Variants in PSME4 observed in about 807,000 individuals in gnomAD.
PSME4 encodes the protein proteasome activator subunit 4, also known as proteasome activator complex subunit 4.
Under a neutral mutation model 253.9 loss-of-function variants are expected in PSME4, and 89 were observed. The observed-to-expected ratio is 0.35, with a 90% confidence interval of 0.30 to 0.42. The LOEUF is 0.42. Among genes scored for constraint, PSME4 ranks in the 10% least tolerant of loss-of-function variants. The pLI is 1.00. For synonymous variants in PSME4, 851 were observed against 759.2 expected, an observed-to-expected ratio of 1.12 and a Z score of -1.99; for missense variants, 2,014 against 2,195.2, an observed-to-expected ratio of 0.92 and a Z score of 1.65.
Position 53,887,903 on chromosome 2 carries a change from G to T in PSME4, c.4475C>A (p.Pro1492His). 6.2e-7 allele frequency: 1 copy of T among 1,605,206 alleles called. No homozygotes were observed. The highest frequency in any genetic ancestry group is 1.3e-5 in the African/African-American group (1 of 74,740). The change falls in exon 39 of 47, where the codon CCC becomes CAC. Residue 1492 changes from proline (P) to histidine (H), a missense_variant. Pro to His is a moderately conservative substitution (Grantham distance 77). Coordinates refer to ENST00000404125, the MANE Select transcript of PSME4 (RefSeq NM_014614.3). Reference protein sequence around the residue: ...LLHRLLKYLEPKLTQVYKNVR... With the variant: ...LLHRLLKYLEHKLTQVYKNVR... ...ATTTTTGTAAACCTGGGTGAGTTTGGGTTCCAAGTACTTCAGTAGTCTGTG... is the reference window on the plus strand; with the variant it reads ...ATTTTTGTAAACCTGGGTGAGTTTGTGTTCCAAGTACTTCAGTAGTCTGTG...
chr2:53,879,801 CAAA>C (rs55730803), intron 41 of PSME4, among the ~76,000 whole-genome samples: 10 of 89,930 alleles, frequency 1.1e-4, no homozygotes, highest in Non-Finnish European at 1.3e-4. Context: ...GACCCTGTCT[CAAA>C]AAAAAAAAAA....
intron 3 of PSME4, among the ~76,000 whole-genome samples, chr2:53,947,291 T>C (rs1443989225): frequency 6.6e-6 from 1 of 152,164 alleles, no homozygotes; most frequent in Non-Finnish European, 1.5e-5. Flanking sequence ...TAACAAGACA[T>C]AATGAAATAA....
At chr2:53,887,599 G>T in intron 39 of PSME4, 132 bp from the exon 40 acceptor site, 2 of 928,934 alleles carry the variant, frequency 2.2e-6, no homozygotes, top group Non-Finnish European at 1.6e-6. Flanking sequence ...TTATGCCTGT[G>T]TGTAAAAGAA....
chr2:53,933,828 G>A (rs1668974309), intron 8 of PSME4, among the ~76,000 whole-genome samples: 1 of 152,196 alleles, frequency 6.6e-6, no homozygotes, highest in African/African-American at 2.4e-5. Flanking sequence ...GCATATGTAA[G>A]ATAGTAAACA....
intron 3 of PSME4, among the ~76,000 whole-genome samples, chr2:53,940,284 G>A (rs1231474929): frequency 6.6e-6 from 1 of 152,094 alleles, no homozygotes; most frequent in Non-Finnish European, 1.5e-5. Context: ...TTACAAGGTA[G>A]GCAGCAATGA....
intron 14 of PSME4, among the ~76,000 whole-genome samples, chr2:53,925,276 T>C (rs1388306759): frequency 6.6e-6 from 1 of 152,226 alleles, no homozygotes; most frequent in Non-Finnish European, 1.5e-5. Context: ...TGAGAACACA[T>C]GGCATATGTG....
intron 27 of PSME4, 33 bp downstream of exon 27, chr2:53,903,992 T>C (rs768435813): frequency 1.9e-6 from 3 of 1,545,890 alleles, no homozygotes; most frequent in South Asian, 2.4e-5. Context: ...TGTTTGAAAA[T>C]GTTTACAGTA....
intron 39 of PSME4, 27 bp downstream of exon 39, chr2:53,887,831 G>A (rs1573218424): frequency 2.6e-6 from 4 of 1,552,128 alleles, no homozygotes; most frequent in South Asian, 2.3e-5. Context: ...AACTCGAGAG[G>A]TACACCACAG....
chr2:53,926,887 T>C (rs922140014), intron 12 of PSME4, among the ~76,000 whole-genome samples: 4 of 149,954 alleles, frequency 2.7e-5, no homozygotes, highest in East Asian at 2.0e-4. Context: ...GGCAGGAGAA[T>C]TGCTTGAACC....
chr2:53,916,099 T>G (rs759461078), intron 20 of PSME4, among the ~76,000 whole-genome samples: 2 of 151,774 alleles, frequency 1.3e-5, no homozygotes, highest in Non-Finnish European at 2.9e-5. Flanking sequence ...ATACAAAAAT[T>G]AGCTGCGTGT....
chr2:53,939,650 T>G (rs1186654598), intron 4 of PSME4, among the ~76,000 whole-genome samples: 2 of 152,246 alleles, frequency 1.3e-5, no homozygotes, highest in African/African-American at 2.4e-5. Flanking sequence ...ACCACCTTCT[T>G]GGCATTACTC....
intron 18 of PSME4, 80 bp from the exon 19 acceptor site, chr2:53,920,430 T>A: frequency 7.6e-7 from 1 of 1,317,576 alleles, no homozygotes; most frequent in South Asian, 2.0e-5. Context: ...TACACAATTT[T>A]TAAAATTTAA....
intron 41 of PSME4, among the ~76,000 whole-genome samples, chr2:53,882,736 G>T (rs1679451053): frequency 6.6e-6 from 1 of 152,004 alleles, no homozygotes; most frequent in South Asian, 2.1e-4. Flanking sequence ...GAGAGCACAG[G>T]ATATTAAATT....
At chr2:53,965,144 A>G (rs930987606) in intron 1 of PSME4, among the ~76,000 whole-genome samples, 56 of 152,160 alleles carry the variant, frequency 3.7e-4, no homozygotes, top group African/African-American at 6.5e-4. Context: ...GATAAGTTGT[A>G]GGAAACAGTA....
At position 53,964,085 on chromosome 2, in the gene PSME4, T is replaced by C. The variant is rs1331708568; in HGVS notation, c.242+6458A>G. ...CAAATCAGAAACACACATATGCTCA[T>C]TGGCCAGTGATGTTCAGGAAGAAAT... On this transcript the variant is annotated intron_variant, in intron 1 of 46. Coordinates refer to ENST00000404125, the MANE Select transcript of PSME4 (RefSeq NM_014614.3). 7.9e-5 allele frequency among the ~76,000 whole-genome samples: 12 copies of C among 152,316 alleles called. 2 individuals are homozygous for C. Among genetic ancestry groups the C allele is most frequent in the Admixed American group, 5.2e-4 (8 of 15,302 alleles).
At chr2:53,946,901 A>T (rs1026972060) in intron 3 of PSME4, among the ~76,000 whole-genome samples, 1 of 151,972 alleles carries the variant, frequency 6.6e-6, no homozygotes, top group African/African-American at 2.4e-5. Context: ...GCAACAGAGC[A>T]ACCCTGAAAA....
intron 20 of PSME4, 137 bp downstream of exon 20, chr2:53,919,014 T>G: frequency 1.3e-6 from 1 of 773,474 alleles, no homozygotes; most frequent in Non-Finnish European, 2.0e-6. Flanking sequence ...ACCTCTGGTA[T>G]TTTTGACCTT....
intron 43 of PSME4, among the ~76,000 whole-genome samples, chr2:53,873,663 C>G (rs1678997339): frequency 6.6e-6 from 1 of 152,178 alleles, no homozygotes; most frequent in Non-Finnish European, 1.5e-5. Flanking sequence ...AAAAAAAGGA[C>G]AGCAAACCTG....
chr2:53,931,500 A>G (rs1668828117), intron 10 of PSME4, among the ~76,000 whole-genome samples: 1 of 152,110 alleles, frequency 6.6e-6, no homozygotes. Flanking sequence ...AAATCCAAAA[A>G]CCACTTTCAC....
Sources: gnomAD v4.1 joint callset for allele counts (sites outside exome capture counted in the v4.1 genomes callset) on GRCh38, gnomAD v4.1.1 for gene constraint, MANE v1.5 for transcripts, NCBI Gene and HGNC (gene_info 2026-07-23, HGNC 2026-07-21) for gene names.